SGCZ: variants seen among roughly 807,000 people sequenced by gnomAD.
SGCZ encodes sarcoglycan zeta.
A neutral mutation model predicts 41.3 loss-of-function variants in SGCZ; 40 were observed. The ratio of observed to expected loss-of-function variants is 0.97; its 90% CI spans 0.75 to 1.26. The LOEUF is 1.26. Among genes scored for constraint, SGCZ ranks in the 50% most tolerant of loss-of-function variants. The probability of loss-of-function intolerance (pLI) is 0.00; values close to 1 mark genes in which losing one functional copy is unlikely to be tolerated. For synonymous variants in SGCZ, 206 were observed against 137.5 expected (o/e 1.50, Z -3.49); for missense variants, 552 against 369.8 (o/e 1.49, Z -4.04).
intron 1 of SGCZ, among the ~76,000 whole-genome samples, chr8:15,182,534 C>A (rs1027955848): frequency 6.6e-6 from 1 of 152,032 alleles, no homozygotes; most frequent in Non-Finnish European, 1.5e-5. Context: ...ATTTGTGTAT[C>A]TAAACATAAA....
intron 1 of SGCZ, among the ~76,000 whole-genome samples, chr8:14,809,045 A>G (rs1159405887): frequency 1.3e-5 from 2 of 149,892 alleles, no homozygotes; most frequent in South Asian, 4.2e-4. Flanking sequence ...TCAAATGGAC[A>G]CAGGAAGGGG....
chr8:14,867,732 C>G (rs886153012), intron 1 of SGCZ, among the ~76,000 whole-genome samples: 2 of 151,740 alleles, frequency 1.3e-5, no homozygotes, highest in Non-Finnish European at 2.9e-5. Context: ...ACACATGGAC[C>G]GAGGGGAACA....
intron 1 of SGCZ, among the ~76,000 whole-genome samples, chr8:14,701,771 C>T (rs1314725432): frequency 6.6e-6 from 1 of 151,874 alleles, no homozygotes; most frequent in East Asian, 1.9e-4. Flanking sequence ...TACCAAACCC[C>T]CTGCCTCCTT....
intron 1 of SGCZ, among the ~76,000 whole-genome samples, chr8:14,945,326 T>C (rs532820958): frequency 3.9e-5 from 6 of 152,318 alleles, no homozygotes; most frequent in Non-Finnish European, 7.3e-5. Context: ...CTTTGTCAAA[T>C]AGTAGTCTTT....
intron 4 of SGCZ, among the ~76,000 whole-genome samples, chr8:14,216,734 T>TAA (rs143589285): frequency 0.24 from 35,978 of 151,450 alleles, 5,471 homozygotes; most frequent in Non-Finnish European, 0.34. Context: ...GAAGAAATCT[T>TAA]AAAAAAAACA....
In SGCZ at chr8:14,816,872, G is replaced by A. The variant is rs144305496; in HGVS notation, c.40-261946C>T. 3.3e-3 allele frequency among the ~76,000 whole-genome samples: 495 copies of A among 152,294 alleles called. 16 individuals are homozygous for A. In the South Asian group the frequency reaches 0.051, roughly 16 times the overall value. ...TCTGCCAAAAAGGCAAAGAGAATATGTTATATTTTCCATGTCTGCACTTAT... is the reference window on the plus strand; with the variant it reads ...TCTGCCAAAAAGGCAAAGAGAATATATTATATTTTCCATGTCTGCACTTAT... On this transcript the variant is annotated intron_variant, in intron 1 of 7. Coordinates refer to ENST00000382080, the MANE Select transcript of SGCZ (RefSeq NM_139167.4).
chr8:15,158,241 C>T (rs1799396204), intron 1 of SGCZ, among the ~76,000 whole-genome samples: 1 of 151,950 alleles, frequency 6.6e-6, no homozygotes, highest in African/African-American at 2.4e-5. Context: ...CACCCCATAC[C>T]AGGTTTCTCT....
At chr8:14,837,662 G>T (rs1005021686) in intron 1 of SGCZ, among the ~76,000 whole-genome samples, 4 of 152,066 alleles carry the variant, frequency 2.6e-5, no homozygotes, top group Admixed American at 2.0e-4. Flanking sequence ...TTCTTGTACT[G>T]TCAATACAGA....
At chr8:15,019,275 G>A (rs1425059735) in intron 1 of SGCZ, among the ~76,000 whole-genome samples, 1 of 152,170 alleles carries the variant, frequency 6.6e-6, no homozygotes, top group Non-Finnish European at 1.5e-5. Context: ...TTTTCCAGGT[G>A]CAGAGAAATG....
intron 1 of SGCZ, among the ~76,000 whole-genome samples, chr8:15,064,460 T>A (rs1173191045): frequency 6.6e-6 from 1 of 151,410 alleles, no homozygotes; most frequent in Non-Finnish European, 1.5e-5. Flanking sequence ...AAATTAAACC[T>A]TCTGGACTTA....
At chr8:14,424,827 T>A (rs932421328) in intron 2 of SGCZ, among the ~76,000 whole-genome samples, 1 of 152,190 alleles carries the variant, frequency 6.6e-6, no homozygotes, top group Non-Finnish European at 1.5e-5. Context: ...TACATTATGC[T>A]GATGTTGACA....
intron 2 of SGCZ, among the ~76,000 whole-genome samples, chr8:14,456,058 C>G (rs1212349293): frequency 6.6e-6 from 1 of 152,110 alleles, no homozygotes; most frequent in African/African-American, 2.4e-5. Flanking sequence ...CTAATTAGAT[C>G]ATGGTGACGC....
intron 4 of SGCZ, among the ~76,000 whole-genome samples, chr8:14,196,670 T>A (rs892279629): frequency 6.6e-6 from 1 of 152,064 alleles, no homozygotes; most frequent in Non-Finnish European, 1.5e-5. Flanking sequence ...AAACAACAGG[T>A]AGTAAATGTA....
rs916572433 is a variant in SGCZ, at chr8:14,289,085, C to T, written c.336+35018G>A. ...TATTCGTATATCTTCTTTGGATAAA[C>T]GTGTATTCACGTTATTTGTACATTT... On this transcript the variant is annotated intron_variant, in intron 3 of 7. Transcript: ENST00000382080. Among the ~76,000 whole-genome samples, 4 of 151,994 alleles carry T rather than the reference C, an allele frequency of 2.6e-5. 1 individual carries two copies. Among genetic ancestry groups the T allele is most frequent in the African/African-American group, 4.8e-5 (2 of 41,400 alleles).
chr8:14,277,827 A>C (rs1800289448), intron 3 of SGCZ, among the ~76,000 whole-genome samples: 1 of 152,180 alleles, frequency 6.6e-6, no homozygotes, highest in African/African-American at 2.4e-5. Context: ...TTCCCAAAGA[A>C]AGGTAATTGT....
chr8:14,133,118 T>C (rs1472740337), intron 5 of SGCZ, among the ~76,000 whole-genome samples: 1 of 152,192 alleles, frequency 6.6e-6, no homozygotes, highest in Non-Finnish European at 1.5e-5. Context: ...GCCAGGGGAC[T>C]GAGCCTGGGG....
intron 1 of SGCZ, among the ~76,000 whole-genome samples, chr8:14,639,860 T>C (rs182173357): frequency 6.6e-6 from 1 of 151,744 alleles, no homozygotes; most frequent in Admixed American, 6.6e-5. Context: ...TGGCATAATT[T>C]GTTATTAAAG....
intron 5 of SGCZ, among the ~76,000 whole-genome samples, chr8:14,124,331 G>A (rs185770263): frequency 6.6e-6 from 1 of 151,842 alleles, no homozygotes; most frequent in East Asian, 1.9e-4. Flanking sequence ...ATGACAGATT[G>A]CCTTGGTTAT....
intron 1 of SGCZ, among the ~76,000 whole-genome samples, chr8:15,094,179 G>A (rs1806252171): frequency 2.6e-5 from 4 of 151,908 alleles, no homozygotes; most frequent in Non-Finnish European, 2.9e-5. Flanking sequence ...CTGTCGCCCA[G>A]GATGGCGTGG....
Sources: allele counts gnomAD v4.1 joint callset (sites outside exome capture counted in the v4.1 genomes callset), GRCh38; gene constraint gnomAD v4.1.1; transcripts MANE v1.5; gene names NCBI Gene and HGNC (gene_info 2026-07-23, HGNC 2026-07-21).